The following AFF4 variants were observed in gnomAD, a reference collection of about 807,000 sequenced individuals.
AFF4 encodes AF4/FMR2 family member 4.
AFF4 carries 13 observed loss-of-function variants against 124.8 expected under a neutral mutation model. That is an observed-to-expected ratio of 0.10 (90% CI 0.07 to 0.17). The LOEUF (loss-of-function observed/expected upper bound fraction) is 0.17, where lower values mean the gene tolerates loss of function less well. Ranked by LOEUF, AFF4 falls within the 10% of genes least tolerant of loss-of-function variation. AFF4 has a pLI of 1.00. For synonymous variants in AFF4, 477 were observed against 496.1 expected (o/e 0.96, Z 0.51); for missense variants, 1,092 against 1,403.8 (o/e 0.78, Z 3.55).
chr5:132,899,252 G>T, intron 8 of AFF4, 111 bp from the exon 9 acceptor site: 1 of 1,003,928 alleles, frequency 1.0e-6, no homozygotes, highest in Non-Finnish European at 1.5e-6. Flanking sequence ...TCTAATGTAT[G>T]CAACAATATT....
At chr5:132,904,314 T>G (rs964883775) in intron 6 of AFF4, 54 bp downstream of exon 6, 1 of 1,480,912 alleles carries the variant, frequency 6.8e-7, no homozygotes, top group African/African-American at 1.4e-5. Flanking sequence ...CCATGAAAAC[T>G]GAATGTTCAA....
intron 5 of AFF4, among the ~76,000 whole-genome samples, chr5:132,911,047 T>C (rs1382659349): frequency 6.6e-6 from 1 of 152,244 alleles, no homozygotes; most frequent in Non-Finnish European, 1.5e-5. Context: ...GCTACTGTCC[T>C]CTACTTGGGC....
At chr5:132,881,976 G>A (rs1759993574) in intron 20 of AFF4, among the ~76,000 whole-genome samples, 1 of 151,880 alleles carries the variant, frequency 6.6e-6, no homozygotes, top group Non-Finnish European at 1.5e-5. Context: ...CACAAATTAT[G>A]TTTTTATAAA....
At chr5:132,941,684 C>T (rs1761571576) in intron 1 of AFF4, among the ~76,000 whole-genome samples, 1 of 152,028 alleles carries the variant, frequency 6.6e-6, no homozygotes, top group African/African-American at 2.4e-5. Flanking sequence ...CTTCTAACAC[C>T]AGATGTGTGG....
At chr5:132,899,722 C>A in intron 7 of AFF4, 81 bp from the exon 8 acceptor site, 2 of 1,300,062 alleles carry the variant, frequency 1.5e-6, no homozygotes, top group South Asian at 2.7e-5. Context: ...ACTAAAAATT[C>A]TAGAAATAAT....
chr5:132,897,812 A>G (rs1470999155), intron 10 of AFF4, among the ~76,000 whole-genome samples: 1 of 152,202 alleles, frequency 6.6e-6, no homozygotes, highest in Non-Finnish European at 1.5e-5. Flanking sequence ...AAATTACCGT[A>G]CAGAATATTT....
chr5:132,935,303 C>T (rs574059116), intron 2 of AFF4, among the ~76,000 whole-genome samples: 2 of 152,322 alleles, frequency 1.3e-5, no homozygotes, highest in South Asian at 4.1e-4. Context: ...GCATGGGTAA[C>T]ATAGCAAGAC....
intron 1 of AFF4, 97 bp downstream of exon 1, chr5:132,963,162 C>T (rs1373025246): frequency 2.7e-6 from 1 of 374,206 alleles, no homozygotes; most frequent in East Asian, 3.8e-5. Context: ...CTCCCCGAGG[C>T]TCCCCGCAGA....
At position 132,934,780 on chromosome 5, in the gene AFF4, A is replaced by G; in HGVS notation, c.285T>C (p.Phe95=). 6.2e-6 allele frequency: 10 copies of G among 1,614,102 alleles called. No homozygotes were observed. Among genetic ancestry groups the G allele is most frequent in the Non-Finnish European group, 8.5e-6 (10 of 1,180,020 alleles). ...GATGAGAGCCTCCATGTCTCTGTTC[A>G]AAGAAATTTGGGTTAGATTTTTCAT... ...SADEKSNPNF[F]EQRHGGSHQS... is the part of the protein sequence containing the mutation. The change falls in exon 3 of 21, where the codon TTT becomes TTC. Residue 95 remains phenylalanine, a synonymous_variant. Transcript: ENST00000265343.
intron 5 of AFF4, among the ~76,000 whole-genome samples, chr5:132,922,120 T>C (rs1048526246): frequency 6.6e-6 from 1 of 152,060 alleles, no homozygotes; most frequent in Non-Finnish European, 1.5e-5. Context: ...GCATTTATAA[T>C]ACAGACATAA....
At chr5:132,962,787 G>A (rs1762108761) in intron 1 of AFF4, among the ~76,000 whole-genome samples, 1 of 148,600 alleles carries the variant, frequency 6.7e-6, no homozygotes. Context: ...GCAAGTCGAA[G>A]GCGGAAATTT....
At chr5:132,947,351 C>T (rs1481058648) in intron 1 of AFF4, among the ~76,000 whole-genome samples, 1 of 152,038 alleles carries the variant, frequency 6.6e-6, no homozygotes, top group South Asian at 2.1e-4. Context: ...TGCAGTGAGC[C>T]GAGATTGTGC....
In AFF4 at chr5:132,891,107, G is replaced by A. The variant is rs183828696; in HGVS notation, c.2637+1057C>T. On this transcript the variant is annotated intron_variant, in intron 13 of 20. Coordinates refer to ENST00000265343, the MANE Select transcript of AFF4 (RefSeq NM_014423.4). Reference sequence around the variant, plus strand: ...GCCTCAAATCCTACAGTTAAAGGATGGGAAATGGAGAAAAACCATCAGCAG... The same window carrying A: ...GCCTCAAATCCTACAGTTAAAGGATAGGAAATGGAGAAAAACCATCAGCAG... 6.8e-4 allele frequency among the ~76,000 whole-genome samples: 103 copies of A among 152,016 alleles called. 1 individual carries two copies. The highest frequency in any genetic ancestry group is 1.7e-3 in the South Asian group (8 of 4,804).
intron 13 of AFF4, among the ~76,000 whole-genome samples, 187 bp from the exon 14 acceptor site, chr5:132,889,360 A>G (rs1405651036): frequency 1.3e-5 from 2 of 152,174 alleles, no homozygotes; most frequent in South Asian, 4.1e-4. Flanking sequence ...TCCATTTTAT[A>G]TAACTGAAAT....
intron 15 of AFF4, 27 bp downstream of exon 15, chr5:132,888,070 G>T: frequency 6.2e-7 from 1 of 1,606,716 alleles, no homozygotes; most frequent in Non-Finnish European, 8.5e-7. Context: ...GATTAAATAC[G>T]TAAGTGTAAG....
intron 5 of AFF4, among the ~76,000 whole-genome samples, chr5:132,922,955 T>C (rs1581307851): frequency 6.6e-6 from 1 of 151,372 alleles, no homozygotes; most frequent in Non-Finnish European, 1.5e-5. Context: ...GGTGGGCAGA[T>C]TAGGAGGTAA....
chr5:132,963,478 G>A lies in AFF4; in HGVS notation c.-224C>T. The A allele has an allele frequency of 2.5e-6, 1 of 398,170 alleles. No individual in the cohort carries two copies. The highest frequency in any genetic ancestry group is 4.4e-6 in the Non-Finnish European group (1 of 225,794). The allele number at this position is 398,170 out of a possible 1,614,324, so 24.7% of individuals were successfully genotyped here. A position where few individuals can be genotyped will look rare whatever the true frequency, so the allele number is the denominator to read the frequency against. ...GCGATGCGCCTCACACGGAACAGGC[G>A]TAGGCCCCGCACCGCTCCATGACGG... On this transcript the variant is annotated 5_prime_UTR_variant, in exon 1 of 21. The change creates a new upstream start codon in the 5' untranslated region. Coordinates refer to ENST00000265343, the MANE Select transcript of AFF4 (RefSeq NM_014423.4).
At chr5:132,936,464 C>G (rs1235537288) in intron 2 of AFF4, among the ~76,000 whole-genome samples, 1 of 151,942 alleles carries the variant, frequency 6.6e-6, no homozygotes, top group Non-Finnish European at 1.5e-5. Context: ...CAGACTGATA[C>G]TGAAGACACA....
chr5:132,957,071 TA>T (rs924339973), intron 1 of AFF4, among the ~76,000 whole-genome samples: 1 of 131,528 alleles, frequency 7.6e-6, no homozygotes, highest in Admixed American at 8.3e-5. Context: ...CCAGGTGCAG[TA>T]ACTCATGCCT....
Sources: gnomAD v4.1 joint callset for allele counts (sites outside exome capture counted in the v4.1 genomes callset) on GRCh38, gnomAD v4.1.1 for gene constraint, MANE v1.5 for transcripts, NCBI Gene and HGNC (gene_info 2026-07-23, HGNC 2026-07-21) for gene names.